Variants in MAN1B1 observed in about 807,000 individuals in gnomAD.
MAN1B1 encodes mannosidase alpha class 1B member 1.
In MAN1B1, 66 loss-of-function variants were observed where a neutral mutation model predicts 75.5. The observed-to-expected ratio is 0.87, with a 90% CI of 0.72 to 1.07. MAN1B1 has a LOEUF of 1.07. MAN1B1 is among the 50% of genes least tolerant of loss of function. MAN1B1 has a pLI of 0.00. For synonymous variants in MAN1B1, 453 were observed against 382.8 expected (o/e 1.18, Z -2.14); for missense variants, 973 against 912.5 (o/e 1.07, Z -0.85).
intron 8 of MAN1B1, chr9:137,102,006 C>A (rs1284218943): frequency 5.9e-6 from 3 of 511,274 alleles, no homozygotes; most frequent in Middle Eastern, 2.9e-4. Context: ...GGTGGTGTTA[C>A]ACACATTCAT....
In MAN1B1 at chr9:137,107,364, C is replaced by T. The variant is rs772165357; in HGVS notation, c.1681C>T (p.Arg561Trp). The change falls in exon 11 of 13, where the codon CGG (arginine) becomes TGG (tryptophan). Residue 561 changes from arginine to tryptophan, a missense_variant. Physicochemically the swap from Arg to Trp is moderately radical, Grantham distance 101 (BLOSUM62 -3). Coordinates refer to ENST00000371589, the MANE Select transcript of MAN1B1 (RefSeq NM_016219.5). ...CATGGAGACTTGTTACCAGATGAAC[C>T]GGCAGATGGAGACGGGGCTGAGTCC... ...ELMETCYQMN[R>W]QMETGLSPEI... 2.9e-5 allele frequency: 47 copies of T among 1,613,288 alleles called. No individual in the cohort carries two copies. The highest frequency in any genetic ancestry group is 2.5e-4 in the East Asian group (11 of 44,880).
intron 3 of MAN1B1, among the ~76,000 whole-genome samples, chr9:137,094,883 AAAAC>A (rs1226172622): frequency 2.1e-5 from 3 of 146,178 alleles, no homozygotes; most frequent in African/African-American, 5.1e-5. Context: ...TCTGTCTCAA[AAAAC>A]AAACAAACAA....
At chr9:137,095,734 G>C (rs889324174) in intron 3 of MAN1B1, among the ~76,000 whole-genome samples, 23 of 152,304 alleles carry the variant, frequency 1.5e-4, no homozygotes, top group African/African-American at 4.3e-4. Context: ...GGGGCTCTGT[G>C]CCTGCAGGTG....
intron 5 of MAN1B1, among the ~76,000 whole-genome samples, chr9:137,098,947 A>G (rs1830731649): frequency 6.6e-6 from 1 of 152,212 alleles, no homozygotes; most frequent in Non-Finnish European, 1.5e-5. Flanking sequence ...CTCCTGCCTC[A>G]GCCTCCCTAG....
intron 1 of MAN1B1, among the ~76,000 whole-genome samples, chr9:137,087,865 T>A (rs1830415424): frequency 6.6e-6 from 1 of 152,024 alleles, no homozygotes; most frequent in African/African-American, 2.4e-5. Context: ...TAAATAGAGC[T>A]GGCCGGGCAC....
At chr9:137,094,456 C>A in intron 3 of MAN1B1, 1 of 432,028 alleles carries the variant, frequency 2.3e-6, no homozygotes, top group South Asian at 1.7e-5. Flanking sequence ...ACTAGAGAAA[C>A]ACAGTGGAAC....
At chr9:137,104,264 C>G in intron 8 of MAN1B1, 2 of 361,742 alleles carry the variant, frequency 5.5e-6, no homozygotes, top group South Asian at 4.2e-5. Flanking sequence ...GAGACAGAGT[C>G]TCATTCTGTC....
chr9:137,090,714 A>G (rs1422285774), intron 3 of MAN1B1, among the ~76,000 whole-genome samples: 2 of 151,836 alleles, frequency 1.3e-5, no homozygotes, highest in South Asian at 2.1e-4. Context: ...TAACGTTTGT[A>G]TTTTTAATAG....
At chr9:137,088,382 C>G in intron 2 of MAN1B1, 199 bp downstream of exon 2, 1 of 1,583,392 alleles carries the variant, frequency 6.3e-7, no homozygotes. Flanking sequence ...TGTCTGACTA[C>G]TTTCTAGGTC....
chr9:137,105,718 C>T (rs540501203), intron 8 of MAN1B1: 3 of 372,496 alleles, frequency 8.1e-6, no homozygotes, highest in African/African-American at 2.1e-5. Flanking sequence ...CGTTTAATAT[C>T]ATCAGGAGCA....
Position 137,101,612 on chromosome 9 carries a change from G to A in MAN1B1, c.1194G>A (p.Val398=), listed in dbSNP as rs2131023045. 1 of 1,613,754 alleles carries A rather than the reference G, an allele frequency of 6.2e-7. No homozygotes were observed. The highest frequency in any genetic ancestry group is 8.5e-7 in the Non-Finnish European group (1 of 1,179,974). ...CCTCCGACAGCACTGTGGCCGAGGT[G>A]ACCAGCATTCAGCTGGAGTTCCGGG... ...RWTSDSTVAE[V]TSIQLEFREL... The change falls in exon 8 of 13, where the codon GTG becomes GTA. Residue 398 remains valine, a synonymous_variant. Transcript: ENST00000371589.
Position 137,107,644 on chromosome 9 carries a change from C to T in MAN1B1, c.1878C>T (p.Ser626=). The part of the protein sequence containing the change: ...YQDWGWEILQ[S]FSRFTRVPSG... ...ACTGGGGCTGGGAGATTCTGCAGAG[C>T]TTCAGCCGATTCACACGGGTGAGCA... Residue 626 remains serine (S), a synonymous_variant, in exon 12 of 13, where the codon AGC becomes AGT. Transcript: ENST00000371589. The T allele has an allele frequency of 1.2e-6, 2 of 1,609,946 alleles. No homozygotes were observed. Among genetic ancestry groups the T allele is most frequent in the Non-Finnish European group, 1.7e-6 (2 of 1,179,970 alleles).
intron 4 of MAN1B1, 51 bp downstream of exon 4, chr9:137,096,442 G>C (rs765567079): frequency 6.3e-7 from 1 of 1,597,088 alleles, no homozygotes; most frequent in Non-Finnish European, 8.5e-7. Context: ...TTGATGTTCC[G>C]AAAAACAAGA....
chr9:137,087,533 A>T, intron 1 of MAN1B1: 1 of 592,270 alleles, frequency 1.7e-6, no homozygotes, highest in Non-Finnish European at 3.2e-6. Context: ...TTGGAGCGGA[A>T]ACCGGAGGTT....
At chr9:137,106,852 C>G (rs774526134) in intron 10 of MAN1B1, 43 bp downstream of exon 10, 1 of 1,607,210 alleles carries the variant, frequency 6.2e-7, no homozygotes, top group South Asian at 1.1e-5. Context: ...CCCCTTTTAC[C>G]TTGGCTTCCA....
intron 3 of MAN1B1, among the ~76,000 whole-genome samples, chr9:137,094,040 A>T (rs1488435847): frequency 2.0e-5 from 3 of 148,478 alleles, no homozygotes; most frequent in Non-Finnish European, 4.5e-5. Context: ...TTTGAGACAG[A>T]GTCTCACTCT....
rs1045175273 is a variant in MAN1B1 at position 137,109,050 on chromosome 9, T to C, written c.*459T>C. ...AGGCTCCAGGGCTGGCTCTGGTGTT[T>C]ACAAGCTGGACTCAGGGATCCTCCT... is the stretch of plus-strand genomic sequence containing the variant. On this transcript the variant is annotated 3_prime_UTR_variant, in exon 13 of 13. Transcript: ENST00000371589. 1.1e-5 allele frequency: 5 copies of C among 457,258 alleles called. No individual in the cohort carries two copies. Among genetic ancestry groups the C allele is most frequent in the Non-Finnish European group, 2.2e-5 (5 of 227,890 alleles). 28.3% of individuals were successfully genotyped at this position (457,258 alleles called of 1,614,324 possible).
At chr9:137,107,725 G>C in intron 12 of MAN1B1, 63 bp downstream of exon 12, 1 of 1,609,898 alleles carries the variant, frequency 6.2e-7, no homozygotes, top group Non-Finnish European at 8.5e-7. Flanking sequence ...GCTGGGCTGT[G>C]GGGCTCAGGC....
At position 137,101,228 on chromosome 9, in the gene MAN1B1, G is replaced by A. The variant is rs1279929160; in HGVS notation, c.1065+75G>A. 10 of 1,563,386 alleles carry A rather than the reference G, an allele frequency of 6.4e-6. No homozygotes were observed. The Admixed American group carries it at 1.7e-4, about 26-fold the overall frequency. On this transcript the variant is annotated intron_variant, in intron 7 of 12. Coordinates refer to ENST00000371589, the MANE Select transcript of MAN1B1 (RefSeq NM_016219.5). ...CAGTTACCCCTTTAGTGGACTTGTGGGGACGTGACTGTCTTCCTGTTTCCT... is the reference window on the plus strand; with the variant it reads ...CAGTTACCCCTTTAGTGGACTTGTGAGGACGTGACTGTCTTCCTGTTTCCT...
Sources: gnomAD v4.1 joint callset for allele counts (sites outside exome capture counted in the v4.1 genomes callset) on GRCh38, gnomAD v4.1.1 for gene constraint, MANE v1.5 for transcripts, NCBI Gene and HGNC (gene_info 2026-07-23, HGNC 2026-07-21) for gene names.